Variants in EWSR1 observed in about 807,000 individuals in gnomAD.
EWSR1 encodes the protein RNA-binding protein EWS.
In EWSR1, 14 loss-of-function variants were observed where a neutral mutation model predicts 92.1. That is an observed-to-expected ratio of 0.15 (90% CI 0.10 to 0.24). The LOEUF is 0.24. EWSR1 is among the 10% of genes least tolerant of loss of function. The pLI, the probability that EWSR1 is intolerant of heterozygous loss-of-function variation, is 1.00. For synonymous variants in EWSR1, 303 were observed against 292.9 expected (o/e 1.03, Z -0.35); for missense variants, 637 against 870.9 (o/e 0.73, Z 3.38).
intron 6 of EWSR1, among the ~76,000 whole-genome samples, 167 bp downstream of exon 6, chr22:29,282,724 A>G (rs565399745): frequency 1.3e-5 from 2 of 151,596 alleles, no homozygotes; most frequent in South Asian, 2.1e-4. Flanking sequence ...CTAGGGTCCC[A>G]TAGTGTTGCC....
intron 6 of EWSR1, among the ~76,000 whole-genome samples, chr22:29,285,923 C>T (rs1460289892): frequency 4.6e-5 from 7 of 152,194 alleles, no homozygotes; most frequent in Non-Finnish European, 7.4e-5. Context: ...CTGCAAGCTC[C>T]GCCTCCTGGG....
intron 3 of EWSR1, 33 bp from the exon 4 acceptor site, chr22:29,273,708 T>C (rs745605823): frequency 1.3e-6 from 2 of 1,598,984 alleles, no homozygotes; most frequent in Non-Finnish European, 1.7e-6. Context: ...AGTTCATGTA[T>C]GAAGTTCTTG....
intron 5 of EWSR1, among the ~76,000 whole-genome samples, chr22:29,281,728 C>T (rs2059621718): frequency 6.6e-6 from 1 of 152,086 alleles, no homozygotes; most frequent in Non-Finnish European, 1.5e-5. Context: ...CTACAGGCGC[C>T]CACCACCATG....
chr22:29,291,535 C>A, intron 8 of EWSR1, 27 bp from the exon 9 acceptor site: 2 of 1,609,950 alleles, frequency 1.2e-6, no homozygotes, highest in Non-Finnish European at 1.7e-6. Context: ...AAGGGAAAGG[C>A]CTTCATTTCT....
intron 6 of EWSR1, among the ~76,000 whole-genome samples, chr22:29,285,932 G>A (rs926717277): frequency 6.6e-6 from 1 of 152,102 alleles, no homozygotes; most frequent in African/African-American, 2.4e-5. Context: ...CCGCCTCCTG[G>A]GTTCATGCCA....
rs761053202 is a variant in EWSR1, at chr22:29,285,028, A to C, written c.582-1895A>C. 6.0e-5 allele frequency among the ~76,000 whole-genome samples: 9 copies of C among 150,822 alleles called. 1 individual carries two copies. Among genetic ancestry groups the C allele is most frequent in the Non-Finnish European group, 8.8e-5 (6 of 68,000 alleles). ...GAGACGGTGTTTTTCCATGTTGGTC[A>C]GGCTAGTCTCGAACCCCTGACCTCA... On this transcript the variant is annotated intron_variant, in intron 6 of 16. Coordinates refer to ENST00000397938, the MANE Select transcript of EWSR1 (RefSeq NM_005243.4).
At chr22:29,270,441 A>G (rs543314876) in intron 1 of EWSR1, among the ~76,000 whole-genome samples, 1 of 152,306 alleles carries the variant, frequency 6.6e-6, no homozygotes, top group Non-Finnish European at 1.5e-5. Context: ...TTGGTGCAAA[A>G]GTAATTACGT....
At chr22:29,286,589 C>T (rs978142257) in intron 6 of EWSR1, among the ~76,000 whole-genome samples, 18 of 147,262 alleles carry the variant, frequency 1.2e-4, no homozygotes, top group South Asian at 6.5e-4. Flanking sequence ...CGGGAGGCTG[C>T]GGCAGGAGAA....
chr22:29,290,562 C>A, intron 8 of EWSR1: 2 of 1,547,472 alleles, frequency 1.3e-6, no homozygotes, highest in South Asian at 1.2e-5. Flanking sequence ...AAAATGTATT[C>A]ATTGTATAAA....
intron 5 of EWSR1, among the ~76,000 whole-genome samples, chr22:29,278,748 C>G (rs1157253936): frequency 2.0e-5 from 3 of 151,960 alleles, no homozygotes; most frequent in Non-Finnish European, 4.4e-5. Context: ...TGTCATGAAC[C>G]CGAGAGGCGG....
chr22:29,274,776 T>A (rs986460540), intron 4 of EWSR1, among the ~76,000 whole-genome samples: 1 of 152,240 alleles, frequency 6.6e-6, no homozygotes, highest in African/African-American at 2.4e-5. Flanking sequence ...TAAACTATTC[T>A]AAGAATTAGA....
chr22:29,280,858 TGTTG>T (rs2059517943), intron 5 of EWSR1, among the ~76,000 whole-genome samples: 2 of 119,724 alleles, frequency 1.7e-5, no homozygotes, highest in Admixed American at 9.4e-5. Flanking sequence ...TGTGTGTGTG[TGTTG>T]TTTTTTTTTT....
intron 6 of EWSR1, among the ~76,000 whole-genome samples, chr22:29,282,973 AG>A (rs1390149405): frequency 1.3e-5 from 2 of 152,160 alleles, no homozygotes; most frequent in Non-Finnish European, 2.9e-5. Context: ...TGTGTTGGCC[AG>A]GATGGTCTCA....
intron 5 of EWSR1, among the ~76,000 whole-genome samples, chr22:29,280,848 T>G (rs1244429746): frequency 6.9e-6 from 1 of 145,718 alleles, no homozygotes; most frequent in South Asian, 2.2e-4. Context: ...TAATTTTGTG[T>G]GTGTGTGTGT....
At position 29,284,125 on chromosome 22, in the gene EWSR1, C is replaced by T. The variant is rs773865868; in HGVS notation, c.581+1568C>T. Among the ~76,000 whole-genome samples the T allele has an allele frequency of 1.3e-5, 2 of 151,170 alleles. 1 individual carries two copies. The highest frequency in any genetic ancestry group is 4.9e-5 in the African/African-American group (2 of 40,454). ...CTGGGAATACAGGCATGAGCCACTGCGCCTGGCCCAGTTTTTGTATTTTTA... is the reference window on the plus strand; with the variant it reads ...CTGGGAATACAGGCATGAGCCACTGTGCCTGGCCCAGTTTTTGTATTTTTA... On this transcript the variant is annotated intron_variant, in intron 6 of 16. Coordinates refer to ENST00000397938, the MANE Select transcript of EWSR1 (RefSeq NM_005243.4).
chr22:29,276,731 G>A lies in EWSR1; in HGVS notation c.227-1299G>A, dbSNP rs572347391. ...GTTGCCTAGGCTGGATCTTACTGCAGCCTTGACCTCCCAGCCTCAAGCAGT... is the reference window on the plus strand; with the variant it reads ...GTTGCCTAGGCTGGATCTTACTGCAACCTTGACCTCCCAGCCTCAAGCAGT... On this transcript the variant is annotated intron_variant, in intron 4 of 16. Coordinates refer to ENST00000397938, the MANE Select transcript of EWSR1 (RefSeq NM_005243.4). The A allele has an allele frequency of 1.0e-4, 23 of 231,088 alleles. No individual in the cohort carries two copies. The East Asian group carries it at 1.2e-3, about 12-fold the overall frequency. 14.3% of individuals were successfully genotyped at this position (231,088 alleles called of 1,614,324 possible).
intron 7 of EWSR1, among the ~76,000 whole-genome samples, chr22:29,287,935 G>A (rs759374485): frequency 1.3e-4 from 20 of 152,148 alleles, no homozygotes; most frequent in Non-Finnish European, 2.6e-4. Context: ...AGCACTTTGG[G>A]GGAGGCCAAG....
chr22:29,287,065 C>T lies in EWSR1; in HGVS notation c.724C>T (p.Pro242Ser). Reference protein sequence around the residue: ...YGQQPPTSYPPQTGSYSQAPS... With the variant: ...YGQQPPTSYPSQTGSYSQAPS... Reference sequence around the variant, plus strand: ...GCAGCAGCCTCCCACTAGTTACCCACCCCAAACTGGATCCTACAGCCAAGC... The same window carrying T: ...GCAGCAGCCTCCCACTAGTTACCCATCCCAAACTGGATCCTACAGCCAAGC... Residue 242 changes from proline (P) to serine (S), a missense_variant, in exon 7 of 17, where the codon CCC (proline) becomes TCC (serine). Coordinates refer to ENST00000397938, the MANE Select transcript of EWSR1 (RefSeq NM_005243.4). 2 of 1,613,960 alleles carry T rather than the reference C, an allele frequency of 1.2e-6. No homozygotes were observed. Among genetic ancestry groups the T allele is most frequent in the Non-Finnish European group, 1.7e-6 (2 of 1,179,908 alleles).
chr22:29,287,503 C>G (rs1203688356), intron 7 of EWSR1, among the ~76,000 whole-genome samples: 1 of 152,176 alleles, frequency 6.6e-6, no homozygotes, highest in East Asian at 1.9e-4. Context: ...CCACTGCGCC[C>G]AGCCACGTTT....
Sources: allele counts gnomAD v4.1 joint callset (sites outside exome capture counted in the v4.1 genomes callset), GRCh38; gene constraint gnomAD v4.1.1; transcripts MANE v1.5; gene names NCBI Gene and HGNC (gene_info 2026-07-23, HGNC 2026-07-21).